The following LRP12 variants were observed in gnomAD, a reference collection of about 807,000 sequenced individuals.
LRP12 encodes low-density lipoprotein receptor-related protein 12.
A neutral mutation model predicts 66.0 loss-of-function variants in LRP12; 14 were observed. The ratio of observed to expected loss-of-function variants is 0.21; its 90% CI spans 0.14 to 0.33. The LOEUF is 0.33. Ranked by LOEUF, LRP12 falls within the 10% of genes least tolerant of loss-of-function variation. The pLI, the probability that LRP12 is intolerant of heterozygous loss-of-function variation, is 1.00. For synonymous variants in LRP12, 357 were observed against 359.1 expected, an observed-to-expected ratio of 0.99 and a Z score of 0.07; for missense variants, 889 against 1,053.4, an observed-to-expected ratio of 0.84 and a Z score of 2.16.
At chr8:104,574,119 T>C (rs533283197) in intron 1 of LRP12, among the ~76,000 whole-genome samples, 19 of 152,298 alleles carry the variant, frequency 1.2e-4, no homozygotes, top group Non-Finnish European at 1.8e-4. Flanking sequence ...CCTATGGTAA[T>C]TGCAAAAACT....
intron 2 of LRP12, among the ~76,000 whole-genome samples, chr8:104,513,090 C>A (rs183416859): frequency 1.3e-5 from 2 of 152,134 alleles, no homozygotes; most frequent in Non-Finnish European, 2.9e-5. Flanking sequence ...ATGTACAACA[C>A]ACTGAGTATG....
chr8:104,565,860 C>G (rs1271761535), intron 1 of LRP12, among the ~76,000 whole-genome samples: 11 of 111,858 alleles, frequency 9.8e-5, no homozygotes, highest in Non-Finnish European at 1.3e-4. Context: ...GACTCCATCT[C>G]AAAAAAAAAA....
At chr8:104,543,204 T>C (rs1374947501) in intron 1 of LRP12, among the ~76,000 whole-genome samples, 9 of 152,138 alleles carry the variant, frequency 5.9e-5, no homozygotes, top group Non-Finnish European at 1.5e-5. Flanking sequence ...TGTTGTTGTT[T>C]TGTTTACCAA....
At position 104,497,411 on chromosome 8, in the gene LRP12, G is replaced by A; in HGVS notation, c.1141C>T (p.Pro381Ser). 6.2e-7 allele frequency: 1 copy of A among 1,613,986 alleles called. No homozygotes were observed. The highest frequency in any genetic ancestry group is 8.5e-7 in the Non-Finnish European group (1 of 1,179,994). ...VDGFCLPWEI[P>S]CGGNWGCYTE... is the part of the protein sequence containing the mutation. ...TAACACCCCCAGTTACCTCCACAGGGTATTTCCCATGGCAAACAGAACCCA... is the reference window on the plus strand; with the variant it reads ...TAACACCCCCAGTTACCTCCACAGGATATTTCCCATGGCAAACAGAACCCA... Residue 381 changes from proline (P) to serine (S), a missense_variant, in exon 5 of 7, where the codon CCC becomes TCC. By Grantham distance (74) the Pro-to-Ser change is moderately conservative. This residue lies in a region of LRP12 where 800 missense variants were observed against 964.5 expected (regional missense o/e 0.83). Transcript: ENST00000276654. The surrounding 1 kb of genome is among the most constrained non-coding windows in gnomAD (Gnocchi z 4.3).
At chr8:104,553,114 C>T (rs1320627464) in intron 1 of LRP12, among the ~76,000 whole-genome samples, 6 of 152,146 alleles carry the variant, frequency 3.9e-5, no homozygotes, top group Non-Finnish European at 7.3e-5. Context: ...ACTTTGTCTT[C>T]CAGGGGTCCT....
At chr8:104,550,213 C>A (rs1811705815) in intron 1 of LRP12, among the ~76,000 whole-genome samples, 1 of 152,054 alleles carries the variant, frequency 6.6e-6, no homozygotes, top group Non-Finnish European at 1.5e-5. Context: ...GAAAAAAAGA[C>A]TCAAAGAAGA....
chr8:104,535,675 G>T (rs1462170437), intron 1 of LRP12, among the ~76,000 whole-genome samples: 1 of 151,932 alleles, frequency 6.6e-6, no homozygotes, highest in African/African-American at 2.4e-5. Context: ...AAAGCTTCTA[G>T]TAGTTTGGTA....
chr8:104,572,588 G>C (rs939641786), intron 1 of LRP12, among the ~76,000 whole-genome samples: 16 of 152,022 alleles, frequency 1.1e-4, no homozygotes, highest in African/African-American at 3.9e-4. Context: ...TTCAAGAAAA[G>C]AATGACAGAC....
At chr8:104,575,008 G>A (rs1314007237) in intron 1 of LRP12, among the ~76,000 whole-genome samples, 1 of 152,092 alleles carries the variant, frequency 6.6e-6, no homozygotes, top group Non-Finnish European at 1.5e-5. Context: ...AGAAAGTGGT[G>A]GAGAAAGAAA....
In LRP12 at chr8:104,496,996, T is replaced by A; in HGVS notation, c.1556A>T (p.Tyr519Phe). Residue 519 changes from tyrosine (Y) to phenylalanine (F), a missense_variant, in exon 5 of 7, where the codon TAT (tyrosine) becomes TTT (phenylalanine). Tyr to Phe is a conservative substitution (Grantham distance 22, BLOSUM62 3). Around this residue, in one of 3 missense-constraint regions of LRP12, gnomAD observed 800 missense variants for 964.5 expected, o/e 0.83. Transcript: ENST00000276654. The stretch of plus-strand genomic sequence containing the variant: ...CCTTCTTTCAAACATTCTCAGAGAA[T>A]AAAGCTTACAAGTACATCCCAATGC... Reference protein sequence around the residue: ...VIALGCTCKLYSLRMFERRSF... With the variant: ...VIALGCTCKLFSLRMFERRSF... 6.5e-7 allele frequency: 1 copy of A among 1,535,314 alleles called. No homozygotes were observed. Among genetic ancestry groups the A allele is most frequent in the Non-Finnish European group, 8.8e-7 (1 of 1,142,180 alleles).
At position 104,588,800 on chromosome 8, in the gene LRP12, C is replaced by A; in HGVS notation, c.79+19G>T. 1 of 1,609,234 alleles carries A rather than the reference C, an allele frequency of 6.2e-7. No homozygotes were observed. ...TCAGCTTTGTTCGGTCAGCGGGGCG[C>A]GGGGACGCGGACACTTACCGTACAC... On this transcript the variant is annotated intron_variant, in intron 1 of 6. Coordinates refer to ENST00000276654, the MANE Select transcript of LRP12 (RefSeq NM_013437.5).
intron 1 of LRP12, among the ~76,000 whole-genome samples, chr8:104,556,093 T>TA (rs1811802940): frequency 6.6e-6 from 1 of 152,072 alleles, no homozygotes; most frequent in Admixed American, 6.6e-5. Flanking sequence ...GATGGAAATT[T>TA]AAAAATTATT....
chr8:104,506,640 G>A (rs1275041135), intron 3 of LRP12: 2 of 152,110 alleles, frequency 1.3e-5, no homozygotes, highest in Non-Finnish European at 2.9e-5. Context: ...TTCAGGCTGT[G>A]GTTGGTGGAA....
chr8:104,587,702 T>G (rs763553356), intron 1 of LRP12, among the ~76,000 whole-genome samples: 3 of 152,188 alleles, frequency 2.0e-5, no homozygotes, highest in Non-Finnish European at 4.4e-5. Context: ...GAGATAACAC[T>G]TGCTGACAAA....
chr8:104,567,364 C>A (rs796930005), intron 1 of LRP12, among the ~76,000 whole-genome samples: 5 of 152,210 alleles, frequency 3.3e-5, no homozygotes, highest in African/African-American at 1.2e-4. Context: ...CCCTCATAAA[C>A]ACATCAGATC....
chr8:104,519,848 C>T (rs2140852264), intron 2 of LRP12, among the ~76,000 whole-genome samples: 1 of 152,038 alleles, frequency 6.6e-6, no homozygotes, highest in South Asian at 2.1e-4. Context: ...AGACTGAATA[C>T]AGCAATATAT....
rs1810587450 is a variant in LRP12 at position 104,489,711 on chromosome 8, A to G, written c.*962T>C. The G allele has an allele frequency of 6.6e-6, 1 of 152,266 alleles. No individual in the cohort carries two copies. The highest frequency in any genetic ancestry group is 2.1e-4 in the South Asian group (1 of 4,828). 9.4% of individuals were successfully genotyped at this position (152,266 alleles called of 1,614,324 possible). On this transcript the variant is annotated 3_prime_UTR_variant, in exon 7 of 7. Transcript: ENST00000276654. ...TGTCCCCCGCCCCCAGCCAAAAGCT[A>G]TGGAAATATATAGTTGCTGTGGTAG...
At chr8:104,567,088 A>G (rs796414305) in intron 1 of LRP12, among the ~76,000 whole-genome samples, 5 of 152,268 alleles carry the variant, frequency 3.3e-5, no homozygotes, top group African/African-American at 1.2e-4. Flanking sequence ...AAACAAGGAT[A>G]TCCACTCTTG....
chr8:104,516,190 A>G (rs1811070423), intron 2 of LRP12, among the ~76,000 whole-genome samples: 1 of 152,220 alleles, frequency 6.6e-6, no homozygotes, highest in African/African-American at 2.4e-5. Context: ...TAACCCAGAA[A>G]TAGAAATCCC....
Sources: gnomAD v4.1 joint callset for allele counts (sites outside exome capture counted in the v4.1 genomes callset) on GRCh38, gnomAD v4.1.1 for gene constraint, gnomAD v4.1.1 regional missense constraint, Gnocchi (gnomAD v3.1) non-coding constraint, MANE v1.5 for transcripts, NCBI Gene and HGNC (gene_info 2026-07-23, HGNC 2026-07-21) for gene names.